ZMAT4: variants seen among roughly 807,000 people sequenced by gnomAD.
ZMAT4 encodes zinc finger matrin-type 4, also known as zinc finger matrin-type protein 4.
ZMAT4 carries 17 observed loss-of-function variants against 28.7 expected under a neutral mutation model. The ratio of observed to expected loss-of-function variants is 0.59; its 90% CI spans 0.41 to 0.89. ZMAT4 has a LOEUF of 0.89. Among genes scored for constraint, ZMAT4 ranks in the 40% least tolerant of loss-of-function variants. The probability of loss-of-function intolerance (pLI) is 0.00; values close to 1 mark genes in which losing one functional copy is unlikely to be tolerated. For synonymous variants in ZMAT4, 117 were observed against 109.2 expected (o/e 1.07, Z -0.44); for missense variants, 240 against 283.8 (o/e 0.85, Z 1.11).
intron 5 of ZMAT4, among the ~76,000 whole-genome samples, chr8:40,667,143 T>C (rs891349133): frequency 6.6e-6 from 1 of 152,052 alleles, no homozygotes; most frequent in African/African-American, 2.4e-5. Flanking sequence ...TTTCTTTTTT[T>C]TTTATTTTTT....
chr8:40,787,692 A>T (rs1409197920), intron 2 of ZMAT4, among the ~76,000 whole-genome samples: 1 of 152,192 alleles, frequency 6.6e-6, no homozygotes, highest in African/African-American at 2.4e-5. Flanking sequence ...TCATTAGTGG[A>T]TCTGACAACC....
At chr8:40,781,500 C>T (rs1054620233) in intron 2 of ZMAT4, among the ~76,000 whole-genome samples, 3 of 152,008 alleles carry the variant, frequency 2.0e-5, no homozygotes, top group South Asian at 2.1e-4. Context: ...CGGTGGCTCA[C>T]GCCTGTAATC....
rs1803422134 is a variant in ZMAT4 at position 40,553,264 on chromosome 8, A to G, written c.675-21026T>C. On this transcript the variant is annotated intron_variant, in intron 6 of 6. Coordinates refer to ENST00000297737, the MANE Select transcript of ZMAT4 (RefSeq NM_024645.3). Reference sequence around the variant, plus strand: ...CTTCAGATGACTGTAGCCCCAGACTACATTCTGACATCATTCCTGATTCAC... The same window carrying G: ...CTTCAGATGACTGTAGCCCCAGACTGCATTCTGACATCATTCCTGATTCAC... Among the ~76,000 whole-genome samples the G allele has an allele frequency of 2.0e-5, 3 of 152,180 alleles. No individual in the cohort carries two copies. The South Asian group carries it at 6.2e-4, about 32-fold the overall frequency.
intron 2 of ZMAT4, among the ~76,000 whole-genome samples, chr8:40,794,097 T>A (rs1814481300): frequency 6.6e-6 from 1 of 152,200 alleles, no homozygotes; most frequent in African/African-American, 2.4e-5. Flanking sequence ...TTTTAATGTT[T>A]TTTTTGGAAA....
At chr8:40,808,460 A>G (rs1420129880) in intron 2 of ZMAT4, 3 of 423,728 alleles carry the variant, frequency 7.1e-6, no homozygotes, top group Admixed American at 2.8e-5. Flanking sequence ...ATAAATGTTA[A>G]CATCTTTCTA....
At chr8:40,545,004 T>C (rs1803154843) in intron 6 of ZMAT4, among the ~76,000 whole-genome samples, 1 of 152,204 alleles carries the variant, frequency 6.6e-6, no homozygotes, top group African/African-American at 2.4e-5. Flanking sequence ...GTGTTTTCCA[T>C]CTTGTTCCTC....
At chr8:40,647,570 C>A (rs1282476743) in intron 5 of ZMAT4, among the ~76,000 whole-genome samples, 2 of 152,146 alleles carry the variant, frequency 1.3e-5, no homozygotes, top group Non-Finnish European at 2.9e-5. Flanking sequence ...GGGTGGAGCC[C>A]ACCACAGCTC....
At chr8:40,649,452 T>A (rs1311570469) in intron 5 of ZMAT4, among the ~76,000 whole-genome samples, 1 of 152,118 alleles carries the variant, frequency 6.6e-6, no homozygotes, top group Admixed American at 6.5e-5. Context: ...ACAAAGAGAC[T>A]TAGACTCCCA....
intron 5 of ZMAT4, among the ~76,000 whole-genome samples, chr8:40,636,369 G>A (rs1159464589): frequency 2.0e-5 from 3 of 152,156 alleles, no homozygotes; most frequent in Non-Finnish European, 4.4e-5. Context: ...CTCTGACATT[G>A]AGCCAAAGAG....
chr8:40,603,425 T>C (rs992594234), intron 5 of ZMAT4, among the ~76,000 whole-genome samples: 5 of 152,196 alleles, frequency 3.3e-5, no homozygotes, highest in African/African-American at 4.8e-5. Flanking sequence ...TTTGGTTCTG[T>C]ATGAGTTTTA....
intron 3 of ZMAT4, among the ~76,000 whole-genome samples, chr8:40,739,881 T>C (rs1301983245): frequency 1.3e-5 from 2 of 152,136 alleles, no homozygotes; most frequent in Admixed American, 1.3e-4. Flanking sequence ...CACTTATGAG[T>C]GAGAACATGC....
At chr8:40,599,637 A>T (rs1373972191) in intron 5 of ZMAT4, among the ~76,000 whole-genome samples, 1 of 152,248 alleles carries the variant, frequency 6.6e-6, no homozygotes, top group African/African-American at 2.4e-5. Context: ...CCTGACAGCT[A>T]AAGTTTAACA....
At chr8:40,804,751 A>C (rs7005857) in intron 2 of ZMAT4, among the ~76,000 whole-genome samples, 1 of 151,476 alleles carries the variant, frequency 6.6e-6, no homozygotes, top group Non-Finnish European at 1.5e-5. Flanking sequence ...TGAGGCAGGA[A>C]AATTGCTTGA....
rs191851644 is a variant in ZMAT4 at position 40,716,653 on chromosome 8, C to T, written c.193-19252G>A. ...GTTGTGGTGAACTGAGATCGTGCCA[C>T]TGCACACCAGCCTGGGCGACAGAAC... On this transcript the variant is annotated intron_variant, in intron 3 of 6. Transcript: ENST00000297737. Among the ~76,000 whole-genome samples, 510 of 152,296 alleles carry T rather than the reference C, an allele frequency of 3.3e-3. 3 individuals carry two copies. The highest frequency in any genetic ancestry group is 3.9e-3 in the Non-Finnish European group (266 of 68,036).
intron 5 of ZMAT4, among the ~76,000 whole-genome samples, chr8:40,662,517 C>T (rs944118767): frequency 3.3e-5 from 5 of 152,152 alleles, no homozygotes; most frequent in Admixed American, 2.0e-4. Context: ...AGAAGCCAAG[C>T]TCTCATCTCT....
At chr8:40,736,181 C>A (rs1811754411) in intron 3 of ZMAT4, among the ~76,000 whole-genome samples, 1 of 152,134 alleles carries the variant, frequency 6.6e-6, no homozygotes, top group African/African-American at 2.4e-5. Flanking sequence ...CCACAATAGC[C>A]TCAGGAACAT....
chr8:40,862,986 G>C (rs1586185482), intron 1 of ZMAT4, among the ~76,000 whole-genome samples: 1 of 150,626 alleles, frequency 6.6e-6, no homozygotes, highest in African/African-American at 2.5e-5. Flanking sequence ...AAAAAAGAAA[G>C]AAAGAAAGAA....
intron 5 of ZMAT4, among the ~76,000 whole-genome samples, chr8:40,596,838 G>T (rs1052163349): frequency 2.0e-5 from 3 of 152,174 alleles, no homozygotes; most frequent in Non-Finnish European, 4.4e-5. Context: ...CCGTCTCCCT[G>T]TTCCAACTCT....
At chr8:40,664,286 G>T (rs2118865446) in intron 5 of ZMAT4, among the ~76,000 whole-genome samples, 1 of 152,232 alleles carries the variant, frequency 6.6e-6, no homozygotes, top group South Asian at 2.1e-4. Flanking sequence ...CCAAGGAGAG[G>T]CCCACAAGGA....
Sources: allele counts gnomAD v4.1 joint callset (sites outside exome capture counted in the v4.1 genomes callset), GRCh38; gene constraint gnomAD v4.1.1; transcripts MANE v1.5; gene names NCBI Gene and HGNC (gene_info 2026-07-23, HGNC 2026-07-21).